ASRGL1: variants seen among roughly 807,000 people sequenced by gnomAD.
ASRGL1 encodes asparaginase and isoaspartyl peptidase 1, also known as isoaspartyl peptidase/L-asparaginase.
A neutral mutation model predicts 22.4 loss-of-function variants in ASRGL1; 16 were observed. The ratio of observed to expected loss-of-function variants is 0.71; its 90% CI spans 0.48 to 1.08. ASRGL1 has a LOEUF of 1.08. Among genes scored for constraint, ASRGL1 ranks in the 50% least tolerant of loss-of-function variants. ASRGL1 has a pLI of 0.00. For synonymous variants in ASRGL1, 165 were observed against 159.3 expected (o/e 1.04, Z -0.27); for missense variants, 412 against 410.1 (o/e 1.00, Z -0.04).
At chr11:62,385,614 C>G (rs1947182366) in intron 4 of ASRGL1, among the ~76,000 whole-genome samples, 4 of 152,238 alleles carry the variant, frequency 2.6e-5, no homozygotes, top group Admixed American at 2.0e-4. Context: ...CCTGTAATCC[C>G]AGCAGCTTGG....
At chr11:62,358,146 AT>A (rs1285006289) in intron 4 of ASRGL1, among the ~76,000 whole-genome samples, 1 of 152,200 alleles carries the variant, frequency 6.6e-6, no homozygotes, top group Admixed American at 6.5e-5. Context: ...AGGCGGACGG[AT>A]TGCCTCAGCT....
In ASRGL1 at chr11:62,391,550, C is replaced by G. The variant is rs370823906; in HGVS notation, c.639C>G (p.Ile213Met). The change falls in exon 6 of 7, where the codon ATC becomes ATG. Residue 213 changes from isoleucine to methionine, a missense_variant. Coordinates refer to ENST00000415229, the MANE Select transcript of ASRGL1 (RefSeq NM_001083926.2). ...CTGGAGGTTATGCCGACAATGACAT[C>G]GGAGCCGTCTCAACCACAGGGCATG... ...LGAGGYADND[I>M]GAVSTTGHGE... The G allele has an allele frequency of 3.1e-6, 5 of 1,612,170 alleles. No homozygotes were observed. The highest frequency in any genetic ancestry group is 3.3e-5 in the Admixed American group (2 of 59,780).
At chr11:62,370,459 C>T (rs1318953045) in intron 4 of ASRGL1, among the ~76,000 whole-genome samples, 1 of 152,142 alleles carries the variant, frequency 6.6e-6, no homozygotes, top group Non-Finnish European at 1.5e-5. Flanking sequence ...AATTCTAATG[C>T]AGTATGAGGC....
At chr11:62,343,820 T>C in intron 2 of ASRGL1, among the ~76,000 whole-genome samples, 1 of 151,724 alleles carries the variant, frequency 6.6e-6, no homozygotes, top group Non-Finnish European at 1.5e-5. Context: ...TTGGCCATTC[T>C]AGTAGGCATA....
chr11:62,356,236 T>C, intron 2 of ASRGL1, 89 bp from the exon 3 acceptor site: 1 of 1,493,070 alleles, frequency 6.7e-7, no homozygotes, highest in Non-Finnish European at 9.1e-7. Context: ...ATGGGGCGGC[T>C]GGCCGGGCGG....
chr11:62,396,760 C>T (rs1328418648), downstream of ASRGL1, among the ~76,000 whole-genome samples: 1 of 108,572 alleles, frequency 9.2e-6, no homozygotes, highest in Non-Finnish European at 1.9e-5. Context: ...TAGGGGAAAC[C>T]AGCCTGGGGT....
In ASRGL1 at chr11:62,337,914, C is replaced by T. The variant is rs1945762755; in HGVS notation, c.-64C>T. 12 of 1,520,288 alleles carry T rather than the reference C, an allele frequency of 7.9e-6. No individual in the cohort carries two copies. The highest frequency in any genetic ancestry group is 2.0e-5 in the Admixed American group (1 of 49,920). The allele number at this position is 1,520,288 out of a possible 1,614,324, so 94.2% of individuals were successfully genotyped here. On this transcript the variant is annotated 5_prime_UTR_variant, in exon 2 of 7. Transcript: ENST00000415229. ...GGGTCTCCCGAGGACCTTGTACCCG[C>T]GCGGCTTCCTTGGGCTGGCTTTGGA...
At chr11:62,351,666 C>A (rs996435899) in intron 2 of ASRGL1, among the ~76,000 whole-genome samples, 1 of 147,798 alleles carries the variant, frequency 6.8e-6, no homozygotes, top group South Asian at 2.2e-4. Flanking sequence ...AAAAAAAAAT[C>A]GTTTTTTTTG....
At chr11:62,372,456 A>G in intron 4 of ASRGL1, 3 of 1,529,150 alleles carry the variant, frequency 2.0e-6, no homozygotes, top group Non-Finnish European at 1.8e-6. Flanking sequence ...GGTGCCCTGA[A>G]TATGGTCAGC....
At chr11:62,352,103 CTG>C (rs368661330) in intron 2 of ASRGL1, among the ~76,000 whole-genome samples, 390 of 152,266 alleles carry the variant, frequency 2.6e-3, no homozygotes, top group Non-Finnish European at 4.2e-3. Flanking sequence ...CCTAATCTGG[CTG>C]TGTTTGGAGA....
At chr11:62,389,842 C>G (rs975817201) in intron 5 of ASRGL1, 1 of 164,034 alleles carries the variant, frequency 6.1e-6, no homozygotes, top group African/African-American at 2.4e-5. Context: ...CTCATGAACC[C>G]CCACAGGTGA....
rs1323689705 is a variant in ASRGL1, at chr11:62,391,949, T to G, written c.722-130T>G. On this transcript the variant is annotated intron_variant, in intron 6 of 6. Coordinates refer to ENST00000415229, the MANE Select transcript of ASRGL1 (RefSeq NM_001083926.2). ...AGGGCAAGGAGGTGAGGACCCTCCT[T>G]TTAAGCATTCAGGCGTTCATTTACC... 4.6e-6 allele frequency: 5 copies of G among 1,097,704 alleles called. No homozygotes were observed. In the East Asian group the frequency reaches 9.9e-5, roughly 22 times the overall value. 68.0% of individuals were successfully genotyped at this position (1,097,704 alleles called of 1,614,324 possible).
chr11:62,345,914 G>A (rs767587230), intron 2 of ASRGL1, among the ~76,000 whole-genome samples: 24 of 152,196 alleles, frequency 1.6e-4, no homozygotes, highest in South Asian at 8.3e-4. Flanking sequence ...ATGCTCATGC[G>A]CCTGCCACTC....
At chr11:62,356,078 C>A in intron 2 of ASRGL1, among the ~76,000 whole-genome samples, 1 of 152,198 alleles carries the variant, frequency 6.6e-6, no homozygotes, top group East Asian at 1.9e-4. Flanking sequence ...ACCTTTCCCC[C>A]CTTTCTATTC....
chr11:62,372,375 A>G (rs959635455), intron 4 of ASRGL1: 69 of 1,560,780 alleles, frequency 4.4e-5, no homozygotes, highest in Admixed American at 8.4e-5. Context: ...CAGCCTGCCA[A>G]TTACCAAAAT....
At position 62,356,255 on chromosome 11, in the gene ASRGL1, C is replaced by G; in HGVS notation, c.191-70C>G. On this transcript the variant is annotated intron_variant, in intron 2 of 6. Coordinates refer to ENST00000415229, the MANE Select transcript of ASRGL1 (RefSeq NM_001083926.2). ...GGCGGCTGGCCGGGCGGGGGGCTGA[C>G]CCCCCCACCTCCCTCCCGGACGGGG... 1.9e-6 allele frequency: 3 copies of G among 1,538,938 alleles called. No homozygotes were observed. In the Middle Eastern group the frequency reaches 5.6e-4, roughly 288 times the overall value.
chr11:62,379,208 A>T, intron 4 of ASRGL1, among the ~76,000 whole-genome samples: 1 of 152,202 alleles, frequency 6.6e-6, no homozygotes, highest in Non-Finnish European at 1.5e-5. Flanking sequence ...GCCTACGCCG[A>T]CAAGTCCTGT....
At chr11:62,371,846 C>G (rs867762304) in intron 4 of ASRGL1, 3 of 523,746 alleles carry the variant, frequency 5.7e-6, no homozygotes, top group Non-Finnish European at 1.0e-5. Context: ...CCCAGCTAAT[C>G]AGGAGGCTGA....
intron 2 of ASRGL1, among the ~76,000 whole-genome samples, chr11:62,344,316 G>A (rs1384896851): frequency 6.6e-6 from 1 of 152,134 alleles, no homozygotes; most frequent in African/African-American, 2.4e-5. Context: ...TATCAGATGT[G>A]TCAATGCAGA....
Sources: allele counts gnomAD v4.1 joint callset (sites outside exome capture counted in the v4.1 genomes callset), GRCh38; gene constraint gnomAD v4.1.1; transcripts MANE v1.5; gene names NCBI Gene and HGNC (gene_info 2026-07-23, HGNC 2026-07-21).